The following MYO16 variants were observed in gnomAD, a reference collection of about 807,000 sequenced individuals.
MYO16 encodes the protein unconventional myosin-XVI.
MYO16 carries 94 observed loss-of-function variants against 205.3 expected under a neutral mutation model. That is an observed-to-expected ratio of 0.46 (90% CI 0.39 to 0.54). The LOEUF (loss-of-function observed/expected upper bound fraction) is 0.54, where lower values mean the gene tolerates loss of function less well. MYO16 is among the 20% of genes least tolerant of loss of function. MYO16 has a pLI of 0.00. For missense variants in MYO16, 2,315 were observed against 2,387.5 expected (o/e 0.97, Z 0.63); for synonymous variants, 988 against 954.0 (o/e 1.04, Z -0.66).
chr13:109,108,693 A>T (rs1044760955), intron 28 of MYO16, among the ~76,000 whole-genome samples: 40 of 152,206 alleles, frequency 2.6e-4, no homozygotes, highest in Admixed American at 8.5e-4. Context: ...AGCAAATGGG[A>T]CACTGCAGTA....
intron 28 of MYO16, among the ~76,000 whole-genome samples, chr13:109,113,477 GA>G (rs1391121018): frequency 2.6e-5 from 4 of 152,180 alleles, no homozygotes; most frequent in Non-Finnish European, 4.4e-5. Flanking sequence ...TTTTAGACAA[GA>G]AAGGAACATA....
At chr13:108,576,906 A>G in the MYO16 span, among the ~76,000 whole-genome samples, 24,665 of 152,050 alleles carry the variant, frequency 0.16, 2,393 homozygotes, top group Non-Finnish European at 0.22. Context: ...GACTACAGGC[A>G]TACGCCACCA....
At chr13:108,505,832 G>GT in the MYO16 span, among the ~76,000 whole-genome samples, 19,206 of 151,814 alleles carry the variant, frequency 0.13, 1,354 homozygotes, top group East Asian at 0.23. Flanking sequence ...ATTTTGAGTT[G>GT]TTTCTTTTGC....
At chr13:108,818,117 C>G (rs946038937) in intron 7 of MYO16, among the ~76,000 whole-genome samples, 1 of 152,066 alleles carries the variant, frequency 6.6e-6, no homozygotes, top group African/African-American at 2.4e-5. Context: ...GGCTCGGTGG[C>G]TCACGCGTGT....
intron 4 of MYO16, among the ~76,000 whole-genome samples, chr13:108,736,694 C>G (rs576305450): frequency 9.2e-5 from 14 of 152,206 alleles, no homozygotes; most frequent in Non-Finnish European, 1.9e-4. Context: ...TCATTGGTAG[C>G]TTGATGGGGA....
chr13:109,027,837 T>A (rs975625625), intron 23 of MYO16, among the ~76,000 whole-genome samples: 1 of 152,176 alleles, frequency 6.6e-6, no homozygotes, highest in Non-Finnish European at 1.5e-5. Flanking sequence ...TCGTAACATT[T>A]TGAACTCATC....
intron 23 of MYO16, among the ~76,000 whole-genome samples, chr13:109,022,764 ATATT>A (rs1444722226): frequency 6.6e-5 from 9 of 136,838 alleles, no homozygotes; most frequent in African/African-American, 1.8e-4. Context: ...ACACATGTAT[ATATT>A]TATATATTAT....
intron 4 of MYO16, among the ~76,000 whole-genome samples, chr13:108,757,452 T>G (rs1423366143): frequency 6.6e-6 from 1 of 152,132 alleles, no homozygotes; most frequent in Admixed American, 6.5e-5. Flanking sequence ...ATACTTAAAG[T>G]TGTTTTTATG....
intron 1 of MYO16, among the ~76,000 whole-genome samples, chr13:108,661,450 C>T (rs896308213): frequency 6.6e-6 from 1 of 151,934 alleles, no homozygotes; most frequent in Non-Finnish European, 1.5e-5. Context: ...AACATAATCC[C>T]AGACTTCTTG....
intron 23 of MYO16, among the ~76,000 whole-genome samples, chr13:109,022,840 T>C (rs1886130194): frequency 7.3e-6 from 1 of 137,056 alleles, no homozygotes; most frequent in Non-Finnish European, 1.5e-5. Flanking sequence ...AAACATAGTA[T>C]ATATTTATAT....
chr13:108,669,404 G>A (rs1255338935), intron 2 of MYO16, among the ~76,000 whole-genome samples: 1 of 152,082 alleles, frequency 6.6e-6, no homozygotes, highest in Admixed American at 6.6e-5. Context: ...AACAGGAATG[G>A]ACACAGAAAG....
chr13:108,506,850 T>C, the MYO16 span, among the ~76,000 whole-genome samples: 1 of 152,160 alleles, frequency 6.6e-6, no homozygotes, highest in East Asian at 1.9e-4. Context: ...CTTTATTATG[T>C]TGAGGTAATT....
the MYO16 span, among the ~76,000 whole-genome samples, chr13:108,535,167 T>A: frequency 6.6e-6 from 1 of 151,930 alleles, no homozygotes; most frequent in South Asian, 2.1e-4. Context: ...TTTTTAAAAA[T>A]TTTTTTAGCA....
intron 1 of MYO16, among the ~76,000 whole-genome samples, chr13:108,653,801 G>GTA (rs150654931): frequency 2.0e-3 from 296 of 148,614 alleles, no homozygotes; most frequent in East Asian, 8.2e-3. Context: ...ATATATGTGT[G>GTA]TATATATATA....
At chr13:108,591,704 T>C (rs1878404848), upstream of MYO16, among the ~76,000 whole-genome samples, 1 of 152,232 alleles carries the variant, frequency 6.6e-6, no homozygotes, top group African/African-American at 2.4e-5. Context: ...GTTAACTGTT[T>C]TCTCTCTTTT....
intron 1 of MYO16, among the ~76,000 whole-genome samples, chr13:108,604,396 T>C (rs1878875834): frequency 6.6e-6 from 1 of 152,166 alleles, no homozygotes; most frequent in Non-Finnish European, 1.5e-5. Context: ...AATGTAGTAT[T>C]TGAAAAAAGA....
chr13:108,594,982 G>T (rs1878504846), upstream of MYO16, among the ~76,000 whole-genome samples: 1 of 152,078 alleles, frequency 6.6e-6, no homozygotes, highest in East Asian at 1.9e-4. Flanking sequence ...TTTGCTGAAG[G>T]GTTAAGACAC....
chr13:108,898,175 C>T (rs1214055980), intron 15 of MYO16, 42 bp downstream of exon 15: 1 of 1,467,722 alleles, frequency 6.8e-7, no homozygotes, highest in Non-Finnish European at 9.5e-7. Flanking sequence ...TGTGCCGAGC[C>T]AGCATGCGAC....
intron 14 of MYO16, among the ~76,000 whole-genome samples, chr13:108,889,494 G>T (rs987448542): frequency 1.3e-5 from 2 of 152,160 alleles, no homozygotes; most frequent in South Asian, 2.1e-4. Context: ...GACCATAGCA[G>T]ATCAGAAGAA....
Sources: gnomAD v4.1 joint callset for allele counts (sites outside exome capture counted in the v4.1 genomes callset) on GRCh38, gnomAD v4.1.1 for gene constraint, MANE v1.5 for transcripts, NCBI Gene and HGNC (gene_info 2026-07-23, HGNC 2026-07-21) for gene names.